HMCN1: variants seen among roughly 807,000 people sequenced by gnomAD.
HMCN1 encodes hemicentin 1, also known as hemicentin-1.
Under a neutral mutation model 625.9 loss-of-function variants are expected in HMCN1, and 321 were observed. The ratio of observed to expected loss-of-function variants is 0.51; its 90% CI spans 0.47 to 0.56. The LOEUF is 0.56. Among genes scored for constraint, HMCN1 ranks in the 20% least tolerant of loss-of-function variants. The probability of loss-of-function intolerance (pLI) is 0.00; values close to 1 mark genes in which losing one functional copy is unlikely to be tolerated. For missense variants in HMCN1, 6,588 were observed against 6,887.3 expected (o/e 0.96, Z 1.54); for synonymous variants, 2,425 against 2,417.6 (o/e 1.00, Z -0.09).
intron 11 of HMCN1, among the ~76,000 whole-genome samples, chr1:185,941,697 C>A (rs1031559151): frequency 2.0e-5 from 3 of 152,112 alleles, no homozygotes; most frequent in African/African-American, 7.2e-5. Context: ...CAGTTTCATG[C>A]AATAAAATAT....
intron 70 of HMCN1, among the ~76,000 whole-genome samples, chr1:186,108,168 G>A (rs115551216): frequency 1.5e-3 from 231 of 151,428 alleles, no homozygotes; most frequent in African/African-American, 5.2e-3. Flanking sequence ...CCCGGACAAC[G>A]GCTCCCTTCT....
intron 100 of HMCN1, among the ~76,000 whole-genome samples, chr1:186,169,781 C>T (rs1045251730): frequency 6.6e-6 from 1 of 152,138 alleles, no homozygotes; most frequent in South Asian, 2.1e-4. Flanking sequence ...GCAAAGACTT[C>T]ATGACTAAGA....
At chr1:185,990,609 T>C (rs1652360097) in intron 22 of HMCN1, among the ~76,000 whole-genome samples, 166 bp downstream of exon 22, 1 of 152,222 alleles carries the variant, frequency 6.6e-6, no homozygotes, top group Admixed American at 6.5e-5. Flanking sequence ...CACTGAATCA[T>C]GCTTCTGACA....
At chr1:185,837,005 G>GTT (rs1553247827) in intron 1 of HMCN1, among the ~76,000 whole-genome samples, 1 of 142,932 alleles carries the variant, frequency 7.0e-6, no homozygotes, top group Non-Finnish European at 1.5e-5. Flanking sequence ...TATATTCCAT[G>GTT]GTGTGTGTGT....
At chr1:186,086,474 C>A in intron 58 of HMCN1, 67 bp downstream of exon 58, 1 of 1,485,950 alleles carries the variant, frequency 6.7e-7, no homozygotes, top group Non-Finnish European at 9.3e-7. Flanking sequence ...AACAGCATTT[C>A]AAATTAGTGT....
chr1:186,025,049 C>T (rs535525675), intron 36 of HMCN1, among the ~76,000 whole-genome samples: 64 of 152,272 alleles, frequency 4.2e-4, no homozygotes, highest in South Asian at 1.2e-3. Flanking sequence ...TGCAACTAGA[C>T]GGTCCCATCT....
At chr1:185,793,623 T>C (rs2102206178) in intron 1 of HMCN1, among the ~76,000 whole-genome samples, 1 of 152,356 alleles carries the variant, frequency 6.6e-6, no homozygotes, top group East Asian at 1.9e-4. Flanking sequence ...AATATGGAAG[T>C]GTCTAAATCG....
chr1:185,797,287 A>G (rs1658452622), intron 1 of HMCN1, among the ~76,000 whole-genome samples: 1 of 152,044 alleles, frequency 6.6e-6, no homozygotes, highest in South Asian at 2.1e-4. Flanking sequence ...TTCCGTTCTA[A>G]AAGTTGTCTC....
At chr1:186,016,833 G>A in intron 32 of HMCN1, 130 bp from the exon 33 acceptor site, 4 of 707,668 alleles carry the variant, frequency 5.7e-6, no homozygotes, top group Admixed American at 1.9e-5. Context: ...TGCATTTCAA[G>A]TCCCCTTCAT....
At chr1:185,746,966 A>G (rs927540538) in intron 1 of HMCN1, among the ~76,000 whole-genome samples, 1 of 152,162 alleles carries the variant, frequency 6.6e-6, no homozygotes, top group Non-Finnish European at 1.5e-5. Context: ...CGATACTCCA[A>G]TGTGGTCGCC....
chr1:185,791,492 G>C (rs1447494107), intron 1 of HMCN1, among the ~76,000 whole-genome samples: 3 of 151,998 alleles, frequency 2.0e-5, no homozygotes, highest in African/African-American at 7.3e-5. Flanking sequence ...GGACGAGGCG[G>C]GTGGATCACT....
intron 14 of HMCN1, 120 bp from the exon 15 acceptor site, chr1:185,970,215 A>T: frequency 1.1e-6 from 1 of 905,278 alleles, no homozygotes; most frequent in East Asian, 2.4e-5. Flanking sequence ...GTTGTGCCAA[A>T]CACTTGTGTT....
chr1:186,138,089 G>A (rs746808637), intron 89 of HMCN1, 117 bp downstream of exon 89: 30 of 1,081,190 alleles, frequency 2.8e-5, no homozygotes, highest in Middle Eastern at 2.1e-4. Flanking sequence ...CTCTACCCTT[G>A]AGAATATGTT....
At chr1:186,061,289 T>C (rs1001175677) in intron 46 of HMCN1, among the ~76,000 whole-genome samples, 1 of 152,136 alleles carries the variant, frequency 6.6e-6, no homozygotes, top group Non-Finnish European at 1.5e-5. Context: ...AGGCACCTTC[T>C]TCACAAGGCG....
chr1:185,874,456 T>C (rs886450257), intron 4 of HMCN1, among the ~76,000 whole-genome samples: 1 of 152,050 alleles, frequency 6.6e-6, no homozygotes, highest in African/African-American at 2.4e-5. Flanking sequence ...GAGTCCATGC[T>C]TCATATATTT....
intron 4 of HMCN1, among the ~76,000 whole-genome samples, chr1:185,892,236 C>G (rs2102414236): frequency 6.6e-6 from 1 of 150,848 alleles, no homozygotes; most frequent in East Asian, 1.9e-4. Flanking sequence ...AAGTTTTCAA[C>G]TTCTTTGCCT....
At chr1:185,967,975 G>A (rs1650540834) in intron 14 of HMCN1, among the ~76,000 whole-genome samples, 1 of 152,014 alleles carries the variant, frequency 6.6e-6, no homozygotes, top group Admixed American at 6.6e-5. Context: ...TTTTAGAAAT[G>A]AGCAATACAA....
intron 1 of HMCN1, among the ~76,000 whole-genome samples, chr1:185,836,140 T>A (rs1661161906): frequency 6.6e-6 from 1 of 152,190 alleles, no homozygotes; most frequent in Admixed American, 6.6e-5. Flanking sequence ...TGCCTAATGC[T>A]CAGAAATATT....
At chr1:186,095,184 T>C in intron 67 of HMCN1, 59 bp from the exon 68 acceptor site, 1 of 1,511,668 alleles carries the variant, frequency 6.6e-7, no homozygotes. Context: ...TGTTTTAATT[T>C]AAATTGATCT....
Sources: allele counts gnomAD v4.1 joint callset (sites outside exome capture counted in the v4.1 genomes callset), GRCh38; gene constraint gnomAD v4.1.1; transcripts MANE v1.5; gene names NCBI Gene and HGNC (gene_info 2026-07-23, HGNC 2026-07-21).